GNB1L: variants seen among roughly 807,000 people sequenced by gnomAD.
GNB1L encodes the protein guanine nucleotide-binding protein subunit beta-like protein 1.
GNB1L carries 20 observed loss-of-function variants against 29.1 expected under a neutral mutation model. The observed-to-expected ratio is 0.69, with a 90% confidence interval of 0.48 to 1.00. GNB1L has a LOEUF of 1.00. Ranked by LOEUF, GNB1L falls within the 50% of genes least tolerant of loss-of-function variation. The pLI is 0.00. For synonymous variants in GNB1L, 193 were observed against 206.5 expected (o/e 0.93, Z 0.56); for missense variants, 421 against 464.9 (o/e 0.91, Z 0.87).
In GNB1L at chr22:19,835,404, A is replaced by AC. The variant is rs200012686; in HGVS notation, c.-20-14030_-20-14029insG. Among the ~76,000 whole-genome samples, 41 of 151,894 alleles carry AC rather than the reference A, an allele frequency of 2.7e-4. No individual in the cohort carries two copies. In the East Asian group the frequency reaches 7.0e-3, roughly 26 times the overall value. On this transcript the variant is annotated intron_variant, in intron 2 of 7. Transcript: ENST00000329517. ...AAAAAAAAAACAAACAAACAAACAA[A>AC]AAAAAAACCTCACGCCTGTAATCCC...
At chr22:19,813,188 C>T (rs951248849) in intron 4 of GNB1L, among the ~76,000 whole-genome samples, 4 of 152,144 alleles carry the variant, frequency 2.6e-5, no homozygotes, top group South Asian at 2.1e-4. Context: ...CACAGGTCAG[C>T]GGGCACCCAG....
At chr22:19,805,548 C>T (rs761011497) in intron 6 of GNB1L, among the ~76,000 whole-genome samples, 35 of 151,722 alleles carry the variant, frequency 2.3e-4, no homozygotes, top group African/African-American at 7.5e-4. Flanking sequence ...TTTGGGAGGC[C>T]GAAGCGGGCG....
chr22:19,810,991 TG>T (rs1288887741), intron 5 of GNB1L, among the ~76,000 whole-genome samples: 1 of 152,148 alleles, frequency 6.6e-6, no homozygotes, highest in African/African-American at 2.4e-5. Context: ...GACCAGCGCA[TG>T]GAGCACAGCA....
In GNB1L at chr22:19,806,667, G is replaced by C; in HGVS notation, c.508C>G (p.Leu170Val). 3 of 1,609,714 alleles carry C rather than the reference G, an allele frequency of 1.9e-6. No individual in the cohort carries two copies. The highest frequency in any genetic ancestry group is 2.5e-6 in the Non-Finnish European group (3 of 1,177,036). The change falls in exon 6 of 8, where the codon CTG becomes GTG. Residue 170 changes from leucine (L) to valine (V), a missense_variant. Physicochemically the swap from Leu to Val is conservative, Grantham distance 32. Coordinates refer to ENST00000329517, the MANE Select transcript of GNB1L (RefSeq NM_053004.3). ...TGCACGCGGGGCCTTACCTGCCACA[G>C]CCGCAGGCACATGGGCATGCCCAGC... Reference protein sequence around the residue: ...AKLGMPMCLRLWQADCSSRPL... With the variant: ...AKLGMPMCLRVWQADCSSRPL...
chr22:19,825,275 C>T (rs1045444986), intron 2 of GNB1L, among the ~76,000 whole-genome samples: 14 of 152,194 alleles, frequency 9.2e-5, no homozygotes, highest in African/African-American at 3.4e-4. Context: ...TACACCAGGA[C>T]GGACACCCTG....
At chr22:19,853,044 A>G (rs901741874) in intron 2 of GNB1L, among the ~76,000 whole-genome samples, 1 of 152,182 alleles carries the variant, frequency 6.6e-6, no homozygotes, top group Admixed American at 6.5e-5. Context: ...CACCAGGCAC[A>G]CAGCAGGTCC....
Position 19,811,135 on chromosome 22 carries a change from G to A in GNB1L, c.417+1150C>T, listed in dbSNP as rs77082141. Among the ~76,000 whole-genome samples, 1,184 of 152,354 alleles carry A rather than the reference G, an allele frequency of 7.8e-3. 22 individuals are homozygous for A. The South Asian group carries it at 0.086, about 11-fold the overall frequency. On this transcript the variant is annotated intron_variant, in intron 5 of 7. Transcript: ENST00000329517. ...TAACAGGTTTTTGGCAGATTGGCAA[G>A]AAAAGTGTATGTAGCTCCTAATTGG...
At chr22:19,821,690 G>C (rs1237792947) in intron 2 of GNB1L, among the ~76,000 whole-genome samples, 1 of 152,194 alleles carries the variant, frequency 6.6e-6, no homozygotes, top group Admixed American at 6.5e-5. Flanking sequence ...CACCTGACTG[G>C]TGCACCCGCT....
At chr22:19,812,057 C>T (rs771728750) in intron 5 of GNB1L, among the ~76,000 whole-genome samples, 49 of 152,358 alleles carry the variant, frequency 3.2e-4, no homozygotes, top group African/African-American at 9.4e-4. Context: ...CCTCCCCCAA[C>T]GCCTCCTGAT....
chr22:19,825,052 A>G (rs2145885334), intron 2 of GNB1L, among the ~76,000 whole-genome samples: 1 of 152,284 alleles, frequency 6.6e-6, no homozygotes, highest in South Asian at 2.1e-4. Context: ...GGCCACTGGC[A>G]CCACCCCTGC....
At chr22:19,807,247 A>G (rs1399313148) in intron 5 of GNB1L, among the ~76,000 whole-genome samples, 1 of 152,216 alleles carries the variant, frequency 6.6e-6, no homozygotes, top group Non-Finnish European at 1.5e-5. Context: ...TCGAGGCTGC[A>G]TTCCAGGTCC....
chr22:19,841,917 G>A (rs11089314), intron 2 of GNB1L, among the ~76,000 whole-genome samples: 19,959 of 152,204 alleles, frequency 0.13, 1,702 homozygotes, highest in Middle Eastern at 0.22. Flanking sequence ...TAGCACAGCC[G>A]TTCTAGCATG....
chr22:19,852,703 A>G (rs375408673), intron 2 of GNB1L, among the ~76,000 whole-genome samples: 2 of 152,338 alleles, frequency 1.3e-5, no homozygotes, highest in African/African-American at 4.8e-5. Flanking sequence ...TGTCAATTTC[A>G]GAAGAAAAGG....
At chr22:19,842,087 G>A (rs1261292962) in intron 2 of GNB1L, among the ~76,000 whole-genome samples, 1 of 152,220 alleles carries the variant, frequency 6.6e-6, no homozygotes, top group African/African-American at 2.4e-5. Flanking sequence ...GGCACTCCCT[G>A]GACAGGCCTG....
chr22:19,809,567 C>T (rs1379457197), intron 5 of GNB1L, among the ~76,000 whole-genome samples: 1 of 152,196 alleles, frequency 6.6e-6, no homozygotes, highest in Non-Finnish European at 1.5e-5. Flanking sequence ...ACTAAAAGAG[C>T]ACCCTGTAAC....
intron 2 of GNB1L, chr22:19,850,854 C>A: frequency 7.6e-7 from 1 of 1,308,732 alleles, no homozygotes. Context: ...ATGCAACTAT[C>A]TGCTGAGAGT....
At chr22:19,829,376 T>C (rs943943677) in intron 2 of GNB1L, among the ~76,000 whole-genome samples, 1 of 152,104 alleles carries the variant, frequency 6.6e-6, no homozygotes, top group South Asian at 2.1e-4. Flanking sequence ...TAAAATTCCA[T>C]GACCACAGTG....
intron 2 of GNB1L, among the ~76,000 whole-genome samples, chr22:19,822,473 G>A: frequency 6.6e-6 from 1 of 152,218 alleles, no homozygotes. Context: ...GCTCTGTGGG[G>A]TGGCCCTGGA....
At chr22:19,846,019 CTG>C (rs1465713838) in intron 2 of GNB1L, 3 of 152,284 alleles carry the variant, frequency 2.0e-5, no homozygotes, top group African/African-American at 7.2e-5. Context: ...TGCAGCCAGA[CTG>C]TGAGTTGCTG....
Sources: gnomAD v4.1 joint callset for allele counts (sites outside exome capture counted in the v4.1 genomes callset) on GRCh38, gnomAD v4.1.1 for gene constraint, MANE v1.5 for transcripts, NCBI Gene and HGNC (gene_info 2026-07-23, HGNC 2026-07-21) for gene names.